BDNF: variants seen among roughly 807,000 people sequenced by gnomAD.
BDNF encodes the protein neurotrophic factor BDNF precursor form.
In BDNF, 1 loss-of-function variant was observed where a neutral mutation model predicts 19.5. The observed-to-expected ratio is 0.05, with a 90% CI of 0.02 to 0.24. BDNF has a LOEUF of 0.24. Ranked by LOEUF, BDNF falls within the 10% of genes least tolerant of loss-of-function variation. BDNF has a pLI of 1.00. For missense variants in BDNF, 195 were observed against 317.6 expected (o/e 0.61, Z 2.93); for synonymous variants, 100 against 121.6 (o/e 0.82, Z 1.17).
chr11:27,699,724 G>GC (rs2134080799), intron 1 of BDNF: 1 of 1,361,758 alleles, frequency 7.3e-7, no homozygotes, highest in Non-Finnish European at 9.5e-7. Context: ...CACTCCCCCC[G>GC]CAAGTCGGCG....
At chr11:27,706,147 C>T (rs981737420) in intron 1 of BDNF, among the ~76,000 whole-genome samples, 3 of 152,056 alleles carry the variant, frequency 2.0e-5, no homozygotes, top group Non-Finnish European at 4.4e-5. Flanking sequence ...GTTAATCAGT[C>T]CCCAGTTATT....
chr11:27,691,584 C>T (rs893573760), intron 1 of BDNF, among the ~76,000 whole-genome samples: 1 of 152,160 alleles, frequency 6.6e-6, no homozygotes, highest in African/African-American at 2.4e-5. Context: ...TGCTGACTGA[C>T]ACTATTAATA....
At position 27,658,332 on chromosome 11, in the gene BDNF, C is replaced by A; in HGVS notation, c.233G>T (p.Arg78Leu). 5.6e-6 allele frequency: 9 copies of A among 1,614,116 alleles called. No homozygotes were observed. Among genetic ancestry groups the A allele is most frequent in the South Asian group, 1.1e-5 (1 of 91,076 alleles). ...GTCCTTATTGTTTTCTTCATTGGGC[C>A]GAACTTTCTGGTCCTCATCCAACAG... ...EELLDEDQKV[R>L]PNEENNKDAD... is the part of the protein sequence containing the mutation. Residue 78 changes from arginine (R) to leucine (L), a missense_variant, in exon 2 of 2, where the codon CGG becomes CTG. By Grantham distance (102) the Arg-to-Leu change is moderately radical (BLOSUM62 -2). This residue lies in a region of BDNF where 124 missense variants were observed against 155.0 expected (regional missense o/e 0.80). Transcript: ENST00000356660. This position sits in a 1 kb window ranked among gnomAD's most constrained non-coding sequence, Gnocchi z 5.7.
intron 1 of BDNF, among the ~76,000 whole-genome samples, chr11:27,720,943 A>AATGAT (rs1860723739): frequency 8.9e-5 from 6 of 67,284 alleles, no homozygotes; most frequent in Admixed American, 3.0e-4. Context: ...CTCTCCCCCC[A>AATGAT]ACCCCACCCC....
upstream of BDNF, chr11:27,701,606 C>CCT: frequency 1.0e-6 from 1 of 986,758 alleles, no homozygotes; most frequent in Non-Finnish European, 1.2e-6. Flanking sequence ...CGAGAGCAGC[C>CCT]CTCTCCGCGG....
At chr11:27,708,717 T>C (rs1460653367) in intron 1 of BDNF, among the ~76,000 whole-genome samples, 2 of 152,046 alleles carry the variant, frequency 1.3e-5, no homozygotes, top group Non-Finnish European at 2.9e-5. Context: ...AAAGAGTATT[T>C]AGTTGGAATA....
At chr11:27,702,235 A>G (rs949877985), upstream of BDNF, among the ~76,000 whole-genome samples, 2 of 152,072 alleles carry the variant, frequency 1.3e-5, no homozygotes, top group Non-Finnish European at 2.9e-5. Context: ...GAGTCCCTGG[A>G]CCTCCTCGGA....
At chr11:27,662,506 C>G (rs1199308911) in intron 1 of BDNF, among the ~76,000 whole-genome samples, 1 of 152,194 alleles carries the variant, frequency 6.6e-6, no homozygotes. Context: ...AACTCTAAGG[C>G]AGTGGTCCCA....
chr11:27,699,721 C>A, intron 1 of BDNF: 1 of 1,375,006 alleles, frequency 7.3e-7, no homozygotes, highest in Non-Finnish European at 9.4e-7. Context: ...TCCCACTCCC[C>A]CCGCAAGTCG....
intron 1 of BDNF, chr11:27,699,509 C>A (rs1295878672): frequency 8.7e-6 from 14 of 1,612,272 alleles, no homozygotes; most frequent in Admixed American, 5.0e-5. Flanking sequence ...AAGAGGGGCG[C>A]AGGATGGGTA....
At chr11:27,698,298 GAGTTT>G (rs1378827622) in intron 1 of BDNF, 1 of 145,510 alleles carries the variant, frequency 6.9e-6, no homozygotes, top group Middle Eastern at 3.7e-3. Flanking sequence ...ACAGGAACAG[GAGTTT>G]AGTGATTGTT....
intron 1 of BDNF, among the ~76,000 whole-genome samples, chr11:27,694,961 C>T (rs1388437151): frequency 6.6e-6 from 1 of 152,160 alleles, no homozygotes; most frequent in Non-Finnish European, 1.5e-5. Context: ...TGATTCCTGG[C>T]ATGCTATTCT....
chr11:27,685,644 T>A (rs1371689555), intron 1 of BDNF, among the ~76,000 whole-genome samples: 5 of 152,206 alleles, frequency 3.3e-5, no homozygotes, highest in Non-Finnish European at 5.9e-5. Flanking sequence ...TCTGCCTTCT[T>A]TTTGTTATTT....
intron 1 of BDNF, among the ~76,000 whole-genome samples, chr11:27,665,977 G>A (rs1309146919): frequency 6.6e-6 from 1 of 152,166 alleles, no homozygotes; most frequent in African/African-American, 2.4e-5. Flanking sequence ...TCTTCAAGTG[G>A]GTTCCTGACC....
chr11:27,659,336 C>T, intron 1 of BDNF: 4 of 1,000,296 alleles, frequency 4.0e-6, no homozygotes, highest in South Asian at 4.7e-5. Context: ...CCTGGGTGGT[C>T]ACAACTGAAA....
At chr11:27,668,456 A>T (rs1346907427) in intron 1 of BDNF, among the ~76,000 whole-genome samples, 1 of 152,192 alleles carries the variant, frequency 6.6e-6, no homozygotes. Context: ...CCTTCAAAAA[A>T]TCAATGAACC....
In BDNF at chr11:27,657,830, C is replaced by G; in HGVS notation, c.735G>C (p.Arg245Ser). 6.2e-7 allele frequency: 1 copy of G among 1,613,688 alleles called. No homozygotes were observed. Reference protein sequence around the residue: ...TSCVCTLTIKRGR With the variant: ...TSCVCTLTIKSGR ...ATACAACATAAATCCACTATCTTCCCCTTTTAATGGTCAATGTACATACAC... is the reference window on the plus strand; with the variant it reads ...ATACAACATAAATCCACTATCTTCCGCTTTTAATGGTCAATGTACATACAC... The change falls in exon 2 of 2, where the codon AGG (arginine) becomes AGC (serine). Residue 245 changes from arginine (R) to serine (S), a missense_variant. Around this residue, in one of 2 missense-constraint regions of BDNF, gnomAD observed 71 missense variants for 162.6 expected, o/e 0.44. Transcript: ENST00000356660. This position sits in a 1 kb window ranked among gnomAD's most constrained non-coding sequence, Gnocchi z 5.0.
intron 1 of BDNF, among the ~76,000 whole-genome samples, chr11:27,664,638 T>A (rs1854018343): frequency 6.6e-6 from 1 of 152,034 alleles, no homozygotes; most frequent in South Asian, 2.1e-4. Flanking sequence ...ATTAAAAAAA[T>A]TAGGTGTGGT....
chr11:27,659,441 C>G (rs1223183741), intron 1 of BDNF: 19 of 1,000,162 alleles, frequency 1.9e-5, no homozygotes, highest in Non-Finnish European at 2.3e-5. Flanking sequence ...AACAATGTGT[C>G]TGGTAAGGAG....
Sources: allele counts gnomAD v4.1 joint callset (sites outside exome capture counted in the v4.1 genomes callset), GRCh38; gene constraint gnomAD v4.1.1; regional missense constraint gnomAD v4.1.1; non-coding constraint Gnocchi (gnomAD v3.1); transcripts MANE v1.5; gene names NCBI Gene and HGNC (gene_info 2026-07-23, HGNC 2026-07-21).